Variants in TMEM132C observed in about 807,000 individuals in gnomAD.
The protein encoded by TMEM132C is protein phosphatase 1, regulatory subunit 152.
A neutral mutation model predicts 61.4 loss-of-function variants in TMEM132C; 29 were observed. That is an observed-to-expected ratio of 0.47 (90% CI 0.35 to 0.64). The LOEUF (loss-of-function observed/expected upper bound fraction) is 0.64, where lower values mean the gene tolerates loss of function less well. TMEM132C is among the 30% of genes least tolerant of loss of function. TMEM132C has a pLI of 0.00. For missense variants in TMEM132C, 1,408 were observed against 1,476.9 expected (o/e 0.95, Z 0.76); for synonymous variants, 656 against 633.1 (o/e 1.04, Z -0.54).
At position 128,705,938 on chromosome 12, in the gene TMEM132C, C is replaced by G. The variant is rs1303682629; in HGVS notation, c.2970C>G (p.Pro990=). 3.1e-5 allele frequency: 48 copies of G among 1,551,378 alleles called. No individual in the cohort carries two copies. Among genetic ancestry groups the G allele is most frequent in the Non-Finnish European group, 4.2e-5 (48 of 1,146,952 alleles). ...AGAGCATGGGGGATGCGCCGCCGCCCCAGGACGAGCACACCACCATCATAG... is the reference window on the plus strand; with the variant it reads ...AGAGCATGGGGGATGCGCCGCCGCCGCAGGACGAGCACACCACCATCATAG... ...LLESMGDAPP[P]QDEHTTIIDR... is the part of the protein sequence containing the mutation. Residue 990 remains proline, a synonymous_variant, in exon 9 of 9, where the codon CCC becomes CCG. Coordinates refer to ENST00000435159, the MANE Select transcript of TMEM132C (RefSeq NM_001136103.3).
chr12:128,269,974 A>G (rs926798211), intron 1 of TMEM132C, among the ~76,000 whole-genome samples: 2 of 152,228 alleles, frequency 1.3e-5, no homozygotes, highest in Non-Finnish European at 2.9e-5. Flanking sequence ...GGTTCGGAAA[A>G]GGCAGAATTG....
chr12:128,512,001 G>A (rs910205017), intron 2 of TMEM132C, among the ~76,000 whole-genome samples: 2 of 152,088 alleles, frequency 1.3e-5, no homozygotes, highest in East Asian at 3.8e-4. Flanking sequence ...ACTCCCAAGG[G>A]CTGCTGTGTC....
chr12:128,496,838 A>G (rs1871978803), intron 2 of TMEM132C, among the ~76,000 whole-genome samples: 1 of 152,172 alleles, frequency 6.6e-6, no homozygotes, highest in African/African-American at 2.4e-5. Context: ...AACTCGTCAA[A>G]GTCATTCTCC....
At chr12:128,414,631 T>C (rs1015896173) in intron 1 of TMEM132C, 101 bp from the exon 2 acceptor site, 4 of 1,295,222 alleles carry the variant, frequency 3.1e-6, no homozygotes, top group Non-Finnish European at 4.1e-6. Flanking sequence ...TCAGAATTTC[T>C]ATCCCTCATT....
At position 128,695,886 on chromosome 12, in the gene TMEM132C, C is replaced by T. The variant is rs1954757839; in HGVS notation, c.1712C>T (p.Ala571Val). 5 of 1,550,934 alleles carry T rather than the reference C, an allele frequency of 3.2e-6. No homozygotes were observed. The highest frequency in any genetic ancestry group is 4.4e-6 in the Non-Finnish European group (5 of 1,146,916). The stretch of plus-strand genomic sequence containing the variant: ...GAGGAGCGGCGGGGCCGGGGCTGCG[C>T]ACTGCAATACCAGCACGCCACCGTG... ...DEEERRGRGC[A>V]LQYQHATVRV... The change falls in exon 7 of 9, where the codon GCA becomes GTA. Residue 571 changes from alanine to valine, a missense_variant. Transcript: ENST00000435159.
intron 1 of TMEM132C, among the ~76,000 whole-genome samples, chr12:128,303,163 G>A (rs769879371): frequency 2.0e-5 from 3 of 152,154 alleles, no homozygotes; most frequent in Non-Finnish European, 4.4e-5. Context: ...CCTTATGGGT[G>A]TTAAAACAAA....
intron 5 of TMEM132C, among the ~76,000 whole-genome samples, chr12:128,688,969 T>TTTTTTG (rs201790656): frequency 0.016 from 2,463 of 151,710 alleles, 51 homozygotes; most frequent in South Asian, 0.092. Flanking sequence ...AGTTGTTGTT[T>TTTTTTG]TTTTTGTTTT....
chr12:128,432,066 T>A (rs1461050679), intron 2 of TMEM132C, among the ~76,000 whole-genome samples: 1 of 152,176 alleles, frequency 6.6e-6, no homozygotes, highest in Non-Finnish European at 1.5e-5. Context: ...TACTAAATAT[T>A]TTAGGCCCAC....
At chr12:128,590,629 C>T (rs1875718744) in intron 3 of TMEM132C, among the ~76,000 whole-genome samples, 1 of 152,130 alleles carries the variant, frequency 6.6e-6, no homozygotes, top group Non-Finnish European at 1.5e-5. Context: ...TGTTATTCTC[C>T]TGCCAGATTA....
At chr12:128,538,948 TTCTTA>T (rs1245440164) in intron 2 of TMEM132C, among the ~76,000 whole-genome samples, 2 of 152,132 alleles carry the variant, frequency 1.3e-5, no homozygotes, top group Non-Finnish European at 2.9e-5. Flanking sequence ...GCATAATGAG[TTCTTA>T]TCTTCAGGAT....
At chr12:128,362,801 T>C (rs1037882346) in intron 1 of TMEM132C, among the ~76,000 whole-genome samples, 2 of 152,214 alleles carry the variant, frequency 1.3e-5, no homozygotes, top group Admixed American at 6.5e-5. Flanking sequence ...CAGTGTTTTA[T>C]GAAGTGAGTC....
At chr12:128,446,232 G>A (rs1311649386) in intron 2 of TMEM132C, among the ~76,000 whole-genome samples, 2 of 152,220 alleles carry the variant, frequency 1.3e-5, no homozygotes, top group African/African-American at 4.8e-5. Flanking sequence ...TGACAGTGGG[G>A]AAGAGCTACC....
intron 2 of TMEM132C, among the ~76,000 whole-genome samples, chr12:128,456,840 C>A (rs1870362800): frequency 6.6e-6 from 1 of 152,196 alleles, no homozygotes; most frequent in South Asian, 2.1e-4. Context: ...GCCGAAGCAA[C>A]CACTGTCCTG....
chr12:128,365,877 G>C (rs1044361529), intron 1 of TMEM132C, among the ~76,000 whole-genome samples: 1 of 152,160 alleles, frequency 6.6e-6, no homozygotes. Flanking sequence ...GTGTGCCGAG[G>C]AGCCCTCCCC....
intron 1 of TMEM132C, among the ~76,000 whole-genome samples, chr12:128,382,316 A>G (rs1039444884): frequency 2.6e-5 from 4 of 152,194 alleles, no homozygotes; most frequent in African/African-American, 9.7e-5. Flanking sequence ...CACTGTAGGA[A>G]TATTATTTCC....
chr12:128,660,108 C>A (rs992633761), intron 4 of TMEM132C, among the ~76,000 whole-genome samples: 2 of 152,170 alleles, frequency 1.3e-5, no homozygotes, highest in Admixed American at 6.5e-5. Context: ...GAGAATCTGG[C>A]ACGTAATGCA....
intron 1 of TMEM132C, among the ~76,000 whole-genome samples, chr12:128,312,517 G>T (rs987578491): frequency 6.6e-6 from 1 of 152,178 alleles, no homozygotes; most frequent in African/African-American, 2.4e-5. Context: ...TATTGCCCAG[G>T]CTGACTGGTG....
Position 128,672,380 on chromosome 12 carries a change from A to AAC in TMEM132C, c.1449+2820_1449+2821insAC, listed in dbSNP as rs1566010771. Among the ~76,000 whole-genome samples, 18 of 152,302 alleles carry AAC rather than the reference A, an allele frequency of 1.2e-4. No homozygotes were observed. The East Asian group carries it at 3.3e-3, about 28-fold the overall frequency. ...GTACTGATAACTTTTCTAGAGGTAA[A>AAC]TAACCTTTCAGCCTACAAAAACCAA... On this transcript the variant is annotated intron_variant, in intron 5 of 8. Coordinates refer to ENST00000435159, the MANE Select transcript of TMEM132C (RefSeq NM_001136103.3).
intron 1 of TMEM132C, among the ~76,000 whole-genome samples, chr12:128,293,389 T>C (rs2630217): frequency 0.23 from 35,002 of 152,048 alleles, 4,553 homozygotes; most frequent in East Asian, 0.5. Flanking sequence ...TGTAATCCCT[T>C]CACCCTGATT....
Sources: gnomAD v4.1 joint callset for allele counts (sites outside exome capture counted in the v4.1 genomes callset) on GRCh38, gnomAD v4.1.1 for gene constraint, MANE v1.5 for transcripts, NCBI Gene and HGNC (gene_info 2026-07-23, HGNC 2026-07-21) for gene names.